AHNAK: variants seen among roughly 807,000 people sequenced by gnomAD.
AHNAK encodes neuroblast differentiation-associated protein AHNAK.
Under a neutral mutation model 37.8 loss-of-function variants are expected in AHNAK, and 23 were observed. That is an observed-to-expected ratio of 0.61 (90% CI 0.44 to 0.86). The LOEUF (loss-of-function observed/expected upper bound fraction) is 0.86. Ranked by LOEUF, AHNAK falls within the 40% of genes least tolerant of loss-of-function variation. The pLI, the probability that AHNAK is intolerant of heterozygous loss-of-function variation, is 0.00. For missense variants in AHNAK, 7,411 were observed against 7,319.4 expected (o/e 1.01, Z -0.46); for synonymous variants, 2,481 against 2,636.3 (o/e 0.94, Z 1.80).
In AHNAK at chr11:62,493,034, CAG is replaced by C. The variant is rs1463425071; in HGVS notation, c.343-1205_343-1204del. ...TTCTTTTTTTTTTTTTTTTTTGAGA[CAG>C]AGTCTCACTGTGTGTCCCAGGCTGG... is the stretch of plus-strand genomic sequence containing the variant. On this transcript the variant is annotated intron_variant, in intron 4 of 5. Transcript: ENST00000257247. Among the ~76,000 whole-genome samples, 359 of 111,724 alleles carry C rather than the reference CAG, an allele frequency of 3.2e-3. 1 individual carries two copies. The highest frequency in any genetic ancestry group is 0.015 in the African/African-American group (316 of 20,460). 73.3% of individuals were successfully genotyped at this position (111,724 alleles called of 152,430 possible). A position where few individuals can be genotyped will look rare whatever the true frequency, so the allele number is the denominator to read the frequency against.
At position 62,521,466 on chromosome 11, in the gene AHNAK, G is replaced by A. The variant is rs116438345; in HGVS notation, c.12951C>T (p.Pro4317=). Residue 4317 remains proline (P), a synonymous_variant, in exon 5 of 5, where the codon CCC becomes CCT. Transcript: ENST00000378024. ...TGCTGAATTTGGGCATTTTCACCTTGGGCATCTTCAGGTGCCAGTCTGGGC... is the reference window on the plus strand; with the variant it reads ...TGCTGAATTTGGGCATTTTCACCTTAGGCATCTTCAGGTGCCAGTCTGGGC... ...VHGPDWHLKM[P]KVKMPKFSMP... is the part of the protein sequence containing the mutation. 1.9e-6 allele frequency: 3 copies of A among 1,612,390 alleles called. No individual in the cohort carries two copies. Among genetic ancestry groups the A allele is most frequent in the Non-Finnish European group, 2.5e-6 (3 of 1,179,654 alleles).
intron 1 of AHNAK, among the ~76,000 whole-genome samples, chr11:62,536,967 T>C (rs1200109430): frequency 6.6e-6 from 1 of 151,678 alleles, no homozygotes; most frequent in Admixed American, 6.6e-5. Context: ...TTATTTTTTT[T>C]TTTTTGAGAC....
At chr11:62,481,052 GA>G (rs1939260589) in intron 5 of AHNAK, among the ~76,000 whole-genome samples, 1 of 151,822 alleles carries the variant, frequency 6.6e-6, no homozygotes, top group African/African-American at 2.4e-5. Flanking sequence ...ACTTGGATGA[GA>G]AGGAAGGTGC....
chr11:62,524,908 A>T lies in AHNAK; in HGVS notation c.9509T>A (p.Val3170Glu), dbSNP rs141517638. 38 of 1,613,772 alleles carry T rather than the reference A, an allele frequency of 2.4e-5. No homozygotes were observed. The African/African-American group carries it at 3.9e-4, about 16-fold the overall frequency. ...GTCAGCCTTGGGCAGGTTCACGTCC[A>T]CTTCTGGACCTTCTCCTTTGAAGCC... The part of the protein sequence containing the change: ...MPGFKGEGPE[V>E]DVNLPKADLD... The change falls in exon 5 of 5, where the codon GTG becomes GAG. Residue 3170 changes from valine (V) to glutamate (E), a missense_variant. By Grantham distance (121) the Val-to-Glu change is moderately radical (BLOSUM62 -2). Transcript: ENST00000378024.
rs1414694441 is a variant in AHNAK, at chr11:62,519,405, C to T, written c.15012G>A (p.Glu5004=). The change falls in exon 5 of 5, where the codon GAG becomes GAA. Residue 5004 remains glutamate (E), a synonymous_variant. Coordinates refer to ENST00000378024, the MANE Select transcript of AHNAK (RefSeq NM_001620.3). ...PSLDVTVPEA[E]LNLETPEISV... ...TAATTTCAGGAGTCTCAAGGTTCAGCTCTGCCTCAGGAACAGTGACATCCA... is the reference window on the plus strand; with the variant it reads ...TAATTTCAGGAGTCTCAAGGTTCAGTTCTGCCTCAGGAACAGTGACATCCA... 5.0e-6 allele frequency: 8 copies of T among 1,613,314 alleles called. No individual in the cohort carries two copies. In the African/African-American group the frequency reaches 6.7e-5, roughly 13 times the overall value.
At chr11:62,460,124 A>G (rs1421839092) in intron 5 of AHNAK, among the ~76,000 whole-genome samples, 1 of 147,344 alleles carries the variant, frequency 6.8e-6, no homozygotes, top group African/African-American at 2.5e-5. Flanking sequence ...GTCTCAAAGA[A>G]AAAAAAAAAA....
intron 3 of AHNAK, 37 bp from the exon 4 acceptor site, chr11:62,535,227 A>AT (rs1378864469): frequency 3.2e-6 from 5 of 1,584,758 alleles, no homozygotes; most frequent in Non-Finnish European, 3.5e-6. Flanking sequence ...TAAGGCCCAA[A>AT]GAGCCTCAGG....
chr11:62,433,697 G>C (rs554980595), exon 6 of AHNAK: 11 of 691,964 alleles, frequency 1.6e-5, no homozygotes, highest in African/African-American at 3.6e-5. Context: ...AGCAGCCCTC[G>C]GTCTGGCCTG....
rs1481716175 is a variant in AHNAK, at chr11:62,520,875, G to A, written c.13542C>T (p.Phe4514=). The A allele has an allele frequency of 6.2e-7, 1 of 1,614,100 alleles. No individual in the cohort carries two copies. Among genetic ancestry groups the A allele is most frequent in the East Asian group, 2.2e-5 (1 of 44,872 alleles). ...GPKFKMPDVH[F]KSPQISMSDI... is the part of the protein sequence containing the mutation. ...CACTCATGGAGATTTGTGGGCTTTT[G>A]AAATGTACATCAGGCATCTTAAACT... The change falls in exon 5 of 5, where the codon TTC becomes TTT. Residue 4514 remains phenylalanine, a synonymous_variant. Transcript: ENST00000378024.
rs761207819 is a variant in AHNAK at position 62,524,789 on chromosome 11, G to C, written c.9628C>G (p.Pro3210Ala). The stretch of plus-strand genomic sequence containing the variant: ...TTAGGAGCTTTGATGTTCATCTCTG[G>C]CATCTTGAATTTAGGGCCCTTCAGT... ...AKLKGPKFKMPEMNIKAPKIS... is the reference protein window; with the variant it reads ...AKLKGPKFKMAEMNIKAPKIS... Residue 3210 changes from proline (P) to alanine (A), a missense_variant, in exon 5 of 5, where the codon CCA (proline) becomes GCA (alanine). By Grantham distance (27) the Pro-to-Ala change is conservative. Coordinates refer to ENST00000378024, the MANE Select transcript of AHNAK (RefSeq NM_001620.3). The C allele has an allele frequency of 1.9e-6, 3 of 1,614,008 alleles. No individual in the cohort carries two copies. The highest frequency in any genetic ancestry group is 2.2e-5 in the South Asian group (2 of 91,080).
At chr11:62,498,011 T>C (rs1003090444) in intron 4 of AHNAK, among the ~76,000 whole-genome samples, 4 of 150,730 alleles carry the variant, frequency 2.7e-5, no homozygotes, top group African/African-American at 4.9e-5. Flanking sequence ...AGTCCATCAA[T>C]AGAGGAATTG....
chr11:62,456,487 T>G (rs1382027246), intron 5 of AHNAK, among the ~76,000 whole-genome samples: 1 of 152,222 alleles, frequency 6.6e-6, no homozygotes, highest in Non-Finnish European at 1.5e-5. Context: ...GAGAGGTTAA[T>G]AACTTGCCCA....
At chr11:62,490,205 T>C (rs930297386) in intron 5 of AHNAK, among the ~76,000 whole-genome samples, 7 of 141,016 alleles carry the variant, frequency 5.0e-5, no homozygotes, top group African/African-American at 1.0e-4. Context: ...TTCTTTTTTT[T>C]TTTTTTTTTT....
intron 5 of AHNAK, among the ~76,000 whole-genome samples, chr11:62,449,439 G>A (rs568389996): frequency 6.6e-6 from 1 of 152,312 alleles, no homozygotes; most frequent in African/African-American, 2.4e-5. Context: ...CCAGCTGTGG[G>A]GCAACACCAG....
At position 62,532,576 on chromosome 11, in the gene AHNAK, G is replaced by A. The variant is rs367682580; in HGVS notation, c.1841C>T (p.Ala614Val). The part of the protein sequence containing the change: ...DVRGPKVDVS[A>V]PDVEAHGPEW... ...TGGGCCATGCGCTTCGACATCTGGGGCACTGACATCCACTTTGGGGCCTCT... is the reference window on the plus strand; with the variant it reads ...TGGGCCATGCGCTTCGACATCTGGGACACTGACATCCACTTTGGGGCCTCT... The change falls in exon 5 of 5, where the codon GCC becomes GTC. Residue 614 changes from alanine (A) to valine (V), a missense_variant. Coordinates refer to ENST00000378024, the MANE Select transcript of AHNAK (RefSeq NM_001620.3). The A allele has an allele frequency of 6.2e-7, 1 of 1,614,068 alleles. No homozygotes were observed. The highest frequency in any genetic ancestry group is 1.3e-5 in the African/African-American group (1 of 74,902).
chr11:62,497,307 G>A (rs944141212), intron 4 of AHNAK, among the ~76,000 whole-genome samples: 1 of 152,198 alleles, frequency 6.6e-6, no homozygotes, highest in Admixed American at 6.5e-5. Flanking sequence ...TATGTGGCAG[G>A]AAAGGATGTG....
rs140560498 is a variant in AHNAK, at chr11:62,522,509, C to A, written c.11908G>T (p.Val3970Phe). The change falls in exon 5 of 5, where the codon GTT becomes TTT. Residue 3970 changes from valine to phenylalanine, a missense_variant. Transcript: ENST00000378024. ...DLDVSGPKVD[V>F]DVPDVNIEGP... Reference sequence around the variant, plus strand: ...TCAATATTCACATCTGGAACATCAACGTCCACCTTGGGTCCTGAGACGTCA... The same window carrying A: ...TCAATATTCACATCTGGAACATCAAAGTCCACCTTGGGTCCTGAGACGTCA... 1 of 1,610,680 alleles carries A rather than the reference C, an allele frequency of 6.2e-7. No individual in the cohort carries two copies. The highest frequency in any genetic ancestry group is 1.1e-5 in the South Asian group (1 of 90,872).
At chr11:62,535,371 A>C (rs2134249978) in intron 3 of AHNAK, among the ~76,000 whole-genome samples, 181 bp from the exon 4 acceptor site, 1 of 152,280 alleles carries the variant, frequency 6.6e-6, no homozygotes, top group Non-Finnish European at 1.5e-5. Flanking sequence ...TGTGGGGGCC[A>C]GGTGCAGTGG....
chr11:62,526,471 G>A lies in AHNAK; in HGVS notation c.7946C>T (p.Pro2649Leu), dbSNP rs1012497418. 2 of 1,612,724 alleles carry A rather than the reference G, an allele frequency of 1.2e-6. No homozygotes were observed. Among genetic ancestry groups the A allele is most frequent in the African/African-American group, 2.7e-5 (2 of 74,562 alleles). The change falls in exon 5 of 5, where the codon CCT becomes CTT. Residue 2649 changes from proline (P) to leucine (L), a missense_variant. Coordinates refer to ENST00000378024, the MANE Select transcript of AHNAK (RefSeq NM_001620.3). ...ATCTGGGCCCTCTCCTTTGAAGCCA[G>A]GCATGCTGAACTTTGGCATTTTCAC... is the stretch of plus-strand genomic sequence containing the variant. ...PKVKMPKFSM[P>L]GFKGEGPDGD...
Sources: gnomAD v4.1 joint callset for allele counts (sites outside exome capture counted in the v4.1 genomes callset) on GRCh38, gnomAD v4.1.1 for gene constraint, MANE v1.5 for transcripts, NCBI Gene and HGNC (gene_info 2026-07-23, HGNC 2026-07-21) for gene names.